ERC1: variants seen among roughly 807,000 people sequenced by gnomAD.
ERC1 encodes the protein RAB6 interacting protein 2.
Under a neutral mutation model 132.0 loss-of-function variants are expected in ERC1, and 56 were observed. The observed-to-expected ratio is 0.42, with a 90% CI of 0.34 to 0.53. The LOEUF is 0.53. Ranked by LOEUF, ERC1 falls within the 20% of genes least tolerant of loss-of-function variation. ERC1 has a pLI of 0.03. For synonymous variants in ERC1, 478 were observed against 476.1 expected, an observed-to-expected ratio of 1.00 and a Z score of -0.05; for missense variants, 1,202 against 1,349.9, an observed-to-expected ratio of 0.89 and a Z score of 1.72.
At chr12:1,066,304 T>G (rs1939175276) in intron 2 of ERC1, among the ~76,000 whole-genome samples, 1 of 152,252 alleles carries the variant, frequency 6.6e-6, no homozygotes, top group African/African-American at 2.4e-5. Context: ...CATATATTGA[T>G]TCTAAGCCTT....
At chr12:1,289,771 C>A in intron 14 of ERC1, 81 bp from the exon 15 acceptor site, 1 of 1,106,748 alleles carries the variant, frequency 9.0e-7, no homozygotes, top group Non-Finnish European at 1.3e-6. Context: ...TTTTCTGGAC[C>A]CAGGAGTTGC....
chr12:1,309,936 G>C (rs541377261), intron 15 of ERC1, among the ~76,000 whole-genome samples: 1 of 144,288 alleles, frequency 6.9e-6, no homozygotes, highest in African/African-American at 2.6e-5. Context: ...GTTTTCTTTT[G>C]TTTTGTTTTG....
At chr12:1,071,440 T>TA (rs1164290052) in intron 2 of ERC1, among the ~76,000 whole-genome samples, 1 of 152,212 alleles carries the variant, frequency 6.6e-6, no homozygotes, top group East Asian at 1.9e-4. Flanking sequence ...TTCGTTTGCT[T>TA]ATTGGTTAGT....
chr12:1,129,149 A>G (rs1252979737), intron 7 of ERC1, among the ~76,000 whole-genome samples: 1 of 152,214 alleles, frequency 6.6e-6, no homozygotes, highest in Non-Finnish European at 1.5e-5. Context: ...ACACCTACAT[A>G]CAGCATAGTG....
chr12:1,462,473 C>A (rs2093662549), intron 18 of ERC1, among the ~76,000 whole-genome samples: 1 of 152,154 alleles, frequency 6.6e-6, no homozygotes, highest in South Asian at 2.1e-4. Context: ...GATCATATAT[C>A]ATTAATGGAA....
At chr12:1,451,663 G>A (rs893739275) in intron 18 of ERC1, among the ~76,000 whole-genome samples, 1 of 152,022 alleles carries the variant, frequency 6.6e-6, no homozygotes, top group African/African-American at 2.4e-5. Context: ...TTTTAAAAAA[G>A]AACTTCCTTT....
chr12:1,152,461 G>C (rs944687804), intron 8 of ERC1: 7 of 152,914 alleles, frequency 4.6e-5, no homozygotes, highest in African/African-American at 1.7e-4. Flanking sequence ...GGCTGGGGTT[G>C]AGGAAGAAGA....
intron 16 of ERC1, among the ~76,000 whole-genome samples, chr12:1,378,550 A>G (rs960791933): frequency 6.6e-6 from 1 of 152,212 alleles, no homozygotes; most frequent in African/African-American, 2.4e-5. Context: ...TAGACATGAA[A>G]TCCATGATGG....
chr12:1,018,499 G>A (rs992378573), intron 1 of ERC1, among the ~76,000 whole-genome samples: 1 of 152,208 alleles, frequency 6.6e-6, no homozygotes, highest in Non-Finnish European at 1.5e-5. Flanking sequence ...ACAGGCGTGA[G>A]CCACCACACC....
chr12:1,398,738 C>G (rs73026456), intron 16 of ERC1, among the ~76,000 whole-genome samples: 3,872 of 152,148 alleles, frequency 0.025, 55 homozygotes, highest in Middle Eastern at 0.075. Flanking sequence ...AGTCTAAGAT[C>G]AAGGCACCAG....
chr12:1,164,291 T>TTTATG (rs1952165601), intron 8 of ERC1, among the ~76,000 whole-genome samples: 30 of 100,874 alleles, frequency 3.0e-4, no homozygotes, highest in African/African-American at 1.1e-3. Context: ...GTTATTTTAT[T>TTTATG]TTGTTATTTT....
intron 12 of ERC1, among the ~76,000 whole-genome samples, chr12:1,211,916 G>C (rs1428642001): frequency 1.3e-5 from 2 of 152,122 alleles, no homozygotes; most frequent in South Asian, 4.1e-4. Context: ...TTCACCACAG[G>C]CTCTTTACCT....
intron 15 of ERC1, among the ~76,000 whole-genome samples, chr12:1,331,932 C>G (rs2082895403): frequency 6.6e-6 from 1 of 152,176 alleles, no homozygotes; most frequent in Non-Finnish European, 1.5e-5. Context: ...ACCATCTTAA[C>G]CAGAAGTATT....
intron 1 of ERC1, among the ~76,000 whole-genome samples, chr12:1,006,382 C>T (rs780518913): frequency 9.9e-5 from 15 of 152,092 alleles, no homozygotes; most frequent in Admixed American, 2.0e-4. Context: ...TGTAGGCATG[C>T]GCCAGCATGC....
At chr12:1,248,664 G>A (rs987066046) in intron 13 of ERC1, among the ~76,000 whole-genome samples, 13 of 152,262 alleles carry the variant, frequency 8.5e-5, no homozygotes, top group East Asian at 1.9e-4. Flanking sequence ...GATCTGATTC[G>A]CATTTTCAGG....
At chr12:1,171,915 A>G (rs1398874109) in intron 8 of ERC1, among the ~76,000 whole-genome samples, 2 of 152,232 alleles carry the variant, frequency 1.3e-5, no homozygotes, top group Non-Finnish European at 2.9e-5. Context: ...AAAGATGTCA[A>G]TAAATCTGTG....
chr12:1,017,404 T>G (rs1965689752), intron 1 of ERC1, among the ~76,000 whole-genome samples: 2 of 152,190 alleles, frequency 1.3e-5, no homozygotes, highest in African/African-American at 4.8e-5. Flanking sequence ...AAGCCAGATT[T>G]CTGGTAATAT....
At chr12:1,195,582 C>A (rs918352868) in intron 12 of ERC1, among the ~76,000 whole-genome samples, 2 of 152,194 alleles carry the variant, frequency 1.3e-5, no homozygotes, top group Non-Finnish European at 2.9e-5. Context: ...GACAGACTTG[C>A]AAGAAGAAAG....
intron 13 of ERC1, among the ~76,000 whole-genome samples, chr12:1,241,976 A>G (rs1037639536): frequency 8.9e-5 from 13 of 146,744 alleles, no homozygotes; most frequent in African/African-American, 3.0e-4. Flanking sequence ...CTCCTGCCTC[A>G]GCCTCCCGAG....
Sources: allele counts gnomAD v4.1 joint callset (sites outside exome capture counted in the v4.1 genomes callset), GRCh38; gene constraint gnomAD v4.1.1; transcripts MANE v1.5; gene names NCBI Gene and HGNC (gene_info 2026-07-23, HGNC 2026-07-21).